Variants in GRK7 observed in about 807,000 individuals in gnomAD.
The protein encoded by GRK7 is G protein-coupled receptor kinase 7.
GRK7 carries 24 observed loss-of-function variants against 34.1 expected under a neutral mutation model. The observed-to-expected ratio is 0.70, with a 90% CI of 0.51 to 0.99. The LOEUF (loss-of-function observed/expected upper bound fraction) is 0.99. Among genes scored for constraint, GRK7 ranks in the 50% least tolerant of loss-of-function variants. The probability of loss-of-function intolerance (pLI) is 0.00; values close to 1 mark genes in which losing one functional copy is unlikely to be tolerated. For synonymous variants in GRK7, 256 were observed against 279.4 expected (o/e 0.92, Z 0.84); for missense variants, 644 against 707.3 (o/e 0.91, Z 1.02).
rs1361027335 is a variant in GRK7 at position 141,774,642 on chromosome 3, C to T, written c.-152C>T. Among the ~76,000 whole-genome samples, 3 of 151,842 alleles carry T rather than the reference C, an allele frequency of 2.0e-5. No individual in the cohort carries two copies. The highest frequency in any genetic ancestry group is 2.9e-5 in the Non-Finnish European group (2 of 67,968). On this transcript the variant is annotated 5_prime_UTR_variant, in exon 2 of 6. Transcript: ENST00000682958. ...CCACGGGAAAAGGCATTTGCTCCTCCGAAGAAATTCTCAGACTGATTTTTC... is the reference window on the plus strand; with the variant it reads ...CCACGGGAAAAGGCATTTGCTCCTCTGAAGAAATTCTCAGACTGATTTTTC...
At chr3:141,797,579 T>C (rs984309485) in intron 4 of GRK7, among the ~76,000 whole-genome samples, 4 of 152,198 alleles carry the variant, frequency 2.6e-5, no homozygotes, top group African/African-American at 9.6e-5. Context: ...ACAAAACATG[T>C]ACATTCTGAT....
intron 1 of GRK7, among the ~76,000 whole-genome samples, chr3:141,772,684 A>G (rs147008785): frequency 3.5e-4 from 53 of 152,328 alleles, no homozygotes; most frequent in African/African-American, 1.2e-3. Flanking sequence ...AATGCTTTAA[A>G]TGATGCAAAG....
chr3:141,802,451 C>T (rs1327975594), intron 4 of GRK7, among the ~76,000 whole-genome samples: 2 of 151,724 alleles, frequency 1.3e-5, no homozygotes, highest in Non-Finnish European at 2.9e-5. Flanking sequence ...ATTGAGGGGC[C>T]AGCTGATAGC....
At chr3:141,776,298 TA>T (rs1032187744) in intron 2 of GRK7, among the ~76,000 whole-genome samples, 2 of 150,260 alleles carry the variant, frequency 1.3e-5, no homozygotes, top group Admixed American at 6.6e-5. Context: ...AAATAAAAAT[TA>T]AAAAAAATAA....
intron 5 of GRK7, among the ~76,000 whole-genome samples, chr3:141,809,201 C>G (rs1045800547): frequency 7.9e-5 from 12 of 151,902 alleles, no homozygotes; most frequent in Non-Finnish European, 1.5e-4. Context: ...GACTTCGTCT[C>G]AAAATAATAA....
intron 4 of GRK7, among the ~76,000 whole-genome samples, chr3:141,788,614 A>G (rs1318628838): frequency 2.0e-5 from 3 of 152,126 alleles, no homozygotes; most frequent in Non-Finnish European, 4.4e-5. Flanking sequence ...AGGTGCTTCA[A>G]GGATGGAAAG....
Position 141,816,826 on chromosome 3 carries a change from G to C in GRK7, c.1438G>C (p.Ala480Pro), listed in dbSNP as rs1226740176. ...TGTGCCAGACCCTTCAGTGGTTTAT[G>C]CCAAAGACATCGCTGAAATTGATGA... is the stretch of plus-strand genomic sequence containing the variant. Reference protein sequence around the residue: ...PFVPDPSVVYAKDIAEIDDFS... With the variant: ...PFVPDPSVVYPKDIAEIDDFS... The change falls in exon 6 of 6, where the codon GCC becomes CCC. Residue 480 changes from alanine (A) to proline (P), a missense_variant. Coordinates refer to ENST00000682958, the MANE Select transcript of GRK7 (RefSeq NM_139209.3). 1.2e-6 allele frequency: 2 copies of C among 1,613,818 alleles called. No individual in the cohort carries two copies. Among genetic ancestry groups the C allele is most frequent in the South Asian group, 2.2e-5 (2 of 91,046 alleles).
intron 3 of GRK7, among the ~76,000 whole-genome samples, chr3:141,780,150 G>A (rs1398322782): frequency 6.6e-6 from 1 of 152,124 alleles, no homozygotes; most frequent in African/African-American, 2.4e-5. Context: ...CCACATCCTT[G>A]CCAACACTTG....
At chr3:141,781,807 G>T (rs559296895) in intron 4 of GRK7, among the ~76,000 whole-genome samples, 1 of 152,172 alleles carries the variant, frequency 6.6e-6, no homozygotes, top group African/African-American at 2.4e-5. Context: ...ATAATTAAGC[G>T]ATTATGTTAG....
At chr3:141,808,114 G>T (rs1711055457) in intron 5 of GRK7, among the ~76,000 whole-genome samples, 195 bp downstream of exon 5, 1 of 152,114 alleles carries the variant, frequency 6.6e-6, no homozygotes. Context: ...TTTCCAAGAT[G>T]TATTTTAAGG....
the GRK7 span, among the ~76,000 whole-genome samples, chr3:141,755,543 C>T: frequency 6.6e-6 from 1 of 152,292 alleles, no homozygotes; most frequent in Non-Finnish European, 1.5e-5. Context: ...AAAGATGTTT[C>T]ACAAAAGAAG....
At position 141,780,828 on chromosome 3, in the gene GRK7, C is replaced by T; in HGVS notation, c.1050+17C>T. 6.2e-7 allele frequency: 1 copy of T among 1,601,642 alleles called. No individual in the cohort carries two copies. Among genetic ancestry groups the T allele is most frequent in the Non-Finnish European group, 8.5e-7 (1 of 1,171,684 alleles). On this transcript the variant is annotated intron_variant, in intron 4 of 5. Transcript: ENST00000682958. ...ACCCAGAGGGTGAGTGACTCTCCAC[C>T]TGCCCCAAGTGCGGGGCACAGAGTT...
At chr3:141,797,887 G>A (rs996920487) in intron 4 of GRK7, among the ~76,000 whole-genome samples, 1 of 152,174 alleles carries the variant, frequency 6.6e-6, no homozygotes, top group Admixed American at 6.5e-5. Flanking sequence ...TGAAGGACCT[G>A]CGCACACTCA....
chr3:141,777,091 C>T (rs1408178146), intron 2 of GRK7, among the ~76,000 whole-genome samples: 1 of 152,140 alleles, frequency 6.6e-6, no homozygotes. Flanking sequence ...AACTTCACTG[C>T]TCTTGGCTCC....
upstream of GRK7, among the ~76,000 whole-genome samples, chr3:141,760,205 T>C (rs2084549124): frequency 6.8e-6 from 1 of 146,526 alleles, no homozygotes; most frequent in Non-Finnish European, 1.5e-5. Flanking sequence ...AATTGTGATG[T>C]TAGGGTGTCA....
intron 1 of GRK7, among the ~76,000 whole-genome samples, chr3:141,766,170 CT>C (rs767294683): frequency 3.2e-4 from 42 of 129,264 alleles, no homozygotes; most frequent in East Asian, 8.0e-4. Context: ...TTAATTTTTT[CT>C]TTTTTTTTTT....
intron 4 of GRK7, among the ~76,000 whole-genome samples, chr3:141,793,598 G>A (rs1003334774): frequency 6.6e-6 from 1 of 152,198 alleles, no homozygotes; most frequent in Non-Finnish European, 1.5e-5. Flanking sequence ...ACTCTTCTGA[G>A]TTGGCCCAAA....
chr3:141,752,118 CA>C, the GRK7 span, among the ~76,000 whole-genome samples: 1 of 152,144 alleles, frequency 6.6e-6, no homozygotes, highest in Non-Finnish European at 1.5e-5. Context: ...AAAAAAAATA[CA>C]AAGATTCCAA....
the GRK7 span, among the ~76,000 whole-genome samples, chr3:141,756,334 G>GGGC: frequency 7.6e-6 from 1 of 131,398 alleles, no homozygotes; most frequent in African/African-American, 3.0e-5. Context: ...AAAGGTGGGG[G>GGGC]GGTGAAAACA....
Sources: allele counts gnomAD v4.1 joint callset (sites outside exome capture counted in the v4.1 genomes callset), GRCh38; gene constraint gnomAD v4.1.1; transcripts MANE v1.5; gene names NCBI Gene and HGNC (gene_info 2026-07-23, HGNC 2026-07-21).